The following RANBP17 variants were observed in gnomAD, a reference collection of about 807,000 sequenced individuals.
The protein encoded by RANBP17 is ran-binding protein 17.
In RANBP17, 158 loss-of-function variants were observed where a neutral mutation model predicts 141.2. That is an observed-to-expected ratio of 1.12 (90% CI 0.98 to 1.28). RANBP17 has a LOEUF of 1.28. Ranked by LOEUF, RANBP17 falls within the 50% of genes most tolerant of loss-of-function variation. RANBP17 has a pLI of 0.00. For synonymous variants in RANBP17, 430 were observed against 450.0 expected (o/e 0.96, Z 0.56); for missense variants, 1,438 against 1,290.7 (o/e 1.11, Z -1.75).
chr5:171,020,022 C>T (rs949811380), intron 14 of RANBP17, among the ~76,000 whole-genome samples: 1 of 152,080 alleles, frequency 6.6e-6, no homozygotes, highest in Non-Finnish European at 1.5e-5. Context: ...CTTCATTTCA[C>T]TGTTTACTGA....
intron 25 of RANBP17, among the ~76,000 whole-genome samples, chr5:171,268,946 G>T (rs536882469): frequency 1.3e-5 from 2 of 152,218 alleles, no homozygotes; most frequent in Admixed American, 1.3e-4. Flanking sequence ...TGCATTTGTT[G>T]GTTTAAGTAA....
In RANBP17 at chr5:170,862,020, C is replaced by T. The variant is rs1268862541; in HGVS notation, c.-14C>T. On this transcript the variant is annotated 5_prime_UTR_variant, in exon 1 of 28. Coordinates refer to ENST00000523189, the MANE Select transcript of RANBP17 (RefSeq NM_022897.5). ...TGCCGACCGGCCGGCTGGCCGGCGC[C>T]GCCTCCTGGGAAGATGGCGCTGCAC... 6.9e-7 allele frequency: 1 copy of T among 1,457,570 alleles called. No homozygotes were observed. The highest frequency in any genetic ancestry group is 9.0e-7 in the Non-Finnish European group (1 of 1,111,694). The allele number at this position is 1,457,570 out of a possible 1,614,324, so 90.3% of individuals were successfully genotyped here.
At chr5:171,174,291 C>T (rs1760292280) in intron 16 of RANBP17, among the ~76,000 whole-genome samples, 1 of 152,128 alleles carries the variant, frequency 6.6e-6, no homozygotes, top group Non-Finnish European at 1.5e-5. Flanking sequence ...GCTGAAATGA[C>T]TCTGTACAGA....
At chr5:171,284,856 A>G (rs1768061688) in intron 25 of RANBP17, among the ~76,000 whole-genome samples, 1 of 152,096 alleles carries the variant, frequency 6.6e-6, no homozygotes, top group Non-Finnish European at 1.5e-5. Context: ...GTTCTCCAGA[A>G]CCTAATCAGT....
intron 1 of RANBP17, among the ~76,000 whole-genome samples, chr5:170,869,936 A>G (rs1322777971): frequency 1.3e-5 from 2 of 152,194 alleles, no homozygotes; most frequent in African/African-American, 2.4e-5. Flanking sequence ...CTCCAAACCT[A>G]TGAGATTGGC....
At chr5:171,213,880 CAGAATT>C in intron 21 of RANBP17, 142 bp downstream of exon 21, 2 of 682,144 alleles carry the variant, frequency 2.9e-6, no homozygotes, top group Admixed American at 2.3e-5. Flanking sequence ...TTAGTGAAAA[CAGAATT>C]AGAGACATAC....
At chr5:171,075,020 C>T (rs189785012) in intron 14 of RANBP17, among the ~76,000 whole-genome samples, 56 of 152,152 alleles carry the variant, frequency 3.7e-4, no homozygotes, top group African/African-American at 1.3e-3. Context: ...CCATTTATGC[C>T]GGCGGCTGCA....
intron 20 of RANBP17, among the ~76,000 whole-genome samples, chr5:171,211,888 CAATTA>C (rs1762918693): frequency 6.6e-6 from 1 of 152,054 alleles, no homozygotes; most frequent in South Asian, 2.1e-4. Flanking sequence ...GTGAAATACA[CAATTA>C]AATAGTTCTA....
At chr5:171,012,724 A>T (rs1168697741) in intron 14 of RANBP17, among the ~76,000 whole-genome samples, 1 of 152,192 alleles carries the variant, frequency 6.6e-6, no homozygotes, top group Non-Finnish European at 1.5e-5. Flanking sequence ...CAGTTACCTC[A>T]TAATTTTCAT....
At chr5:170,918,917 T>C in intron 10 of RANBP17, 58 bp downstream of exon 10, 1 of 1,129,478 alleles carries the variant, frequency 8.9e-7, no homozygotes, top group Non-Finnish European at 1.2e-6. Flanking sequence ...AGCTTCTTGG[T>C]AAGGGTTGGT....
chr5:170,918,688 CCTTT>C lies in RANBP17; in HGVS notation c.955-20_955-17del, dbSNP rs762156517. ...GTCCATAGGTTGGCTTGTTTTTAAGCCTTTCTTTTTGTCTCATAATTTAGGGTTT... is the reference window on the plus strand; with the variant it reads ...GTCCATAGGTTGGCTTGTTTTTAAGCCTTTTTGTCTCATAATTTAGGGTTT... On this transcript the variant is annotated intron_variant, in intron 9 of 27. Coordinates refer to ENST00000523189, the MANE Select transcript of RANBP17 (RefSeq NM_022897.5). The C allele has an allele frequency of 2.2e-5, 34 of 1,571,376 alleles. No homozygotes were observed. The South Asian group carries it at 3.8e-4, about 18-fold the overall frequency.
At chr5:171,169,492 A>C (rs1161017313) in intron 14 of RANBP17, among the ~76,000 whole-genome samples, 1 of 152,222 alleles carries the variant, frequency 6.6e-6, no homozygotes, top group East Asian at 1.9e-4. Flanking sequence ...CAAACTCTGC[A>C]ACCAACACTC....
intron 1 of RANBP17, among the ~76,000 whole-genome samples, chr5:170,872,967 A>G (rs986132501): frequency 2.6e-5 from 4 of 151,826 alleles, no homozygotes; most frequent in Non-Finnish European, 5.9e-5. Flanking sequence ...ACTGGAGTGC[A>G]GTGGTGCAAT....
intron 24 of RANBP17, chr5:171,251,811 G>A: frequency 8.2e-7 from 1 of 1,225,036 alleles, no homozygotes; most frequent in South Asian, 1.2e-5. Flanking sequence ...GTGCTGGCCG[G>A]ATGTAAATCC....
At chr5:171,069,040 A>G (rs942761007) in intron 14 of RANBP17, among the ~76,000 whole-genome samples, 1 of 152,184 alleles carries the variant, frequency 6.6e-6, no homozygotes, top group Non-Finnish European at 1.5e-5. Flanking sequence ...CATATTCTCT[A>G]CAGCCAGCTG....
chr5:171,161,893 G>A (rs1759376769), intron 14 of RANBP17, among the ~76,000 whole-genome samples: 1 of 152,058 alleles, frequency 6.6e-6, no homozygotes. Flanking sequence ...GAGGTACGGG[G>A]GATTAAACAA....
chr5:171,146,557 A>C (rs557492890), intron 14 of RANBP17, among the ~76,000 whole-genome samples: 7 of 152,192 alleles, frequency 4.6e-5, no homozygotes, highest in African/African-American at 1.7e-4. Context: ...CCAAAAAAAA[A>C]CGGTATGTAA....
intron 24 of RANBP17, among the ~76,000 whole-genome samples, chr5:171,264,765 T>C (rs768029401): frequency 2.6e-5 from 4 of 152,198 alleles, no homozygotes; most frequent in Non-Finnish European, 4.4e-5. Context: ...CAGAAAGTAA[T>C]TGGCAAAGAT....
At chr5:170,904,086 GT>G in intron 5 of RANBP17, 1 of 434,652 alleles carries the variant, frequency 2.3e-6, no homozygotes, top group South Asian at 2.1e-5. Context: ...TGTGCTCATG[GT>G]TAGAGGAAAT....
Sources: allele counts gnomAD v4.1 joint callset (sites outside exome capture counted in the v4.1 genomes callset), GRCh38; gene constraint gnomAD v4.1.1; transcripts MANE v1.5; gene names NCBI Gene and HGNC (gene_info 2026-07-23, HGNC 2026-07-21).